The following TAF4B variants were observed in gnomAD, a reference collection of about 807,000 sequenced individuals.
TAF4B encodes TATA-box binding protein associated factor 4b.
Under a neutral mutation model 86.4 loss-of-function variants are expected in TAF4B, and 38 were observed. The observed-to-expected ratio is 0.44, with a 90% CI of 0.34 to 0.58. TAF4B has a LOEUF of 0.58. TAF4B is among the 20% of genes least tolerant of loss of function. The probability of loss-of-function intolerance (pLI) is 0.02; values close to 1 mark genes in which losing one functional copy is unlikely to be tolerated. For missense variants in TAF4B, 988 were observed against 1,027.6 expected, an observed-to-expected ratio of 0.96 and a Z score of 0.53; for synonymous variants, 388 against 391.2, an observed-to-expected ratio of 0.99 and a Z score of 0.10.
chr18:26,300,471 T>G (rs1027713754), intron 9 of TAF4B, among the ~76,000 whole-genome samples: 6 of 150,172 alleles, frequency 4.0e-5, no homozygotes, highest in African/African-American at 4.9e-5. Context: ...GGTGTGTTTT[T>G]TTTTTTTTTT....
intron 9 of TAF4B, among the ~76,000 whole-genome samples, chr18:26,293,847 C>T (rs140562207): frequency 3.1e-3 from 479 of 152,240 alleles, no homozygotes; most frequent in African/African-American, 0.011. Flanking sequence ...ACGTCCATCA[C>T]GATAGATCAT....
In TAF4B at chr18:26,322,178, C is replaced by T. The variant is rs140044345; in HGVS notation, c.2133+978C>T. Among the ~76,000 whole-genome samples, 854 of 152,224 alleles carry T rather than the reference C, an allele frequency of 5.6e-3. 8 individuals are homozygous for T. The highest frequency in any genetic ancestry group is 0.01 in the Middle Eastern group (3 of 294). On this transcript the variant is annotated intron_variant, in intron 11 of 14. Transcript: ENST00000269142. ...GAGATTTTGAATTTGGAAGAATGGT[C>T]ATTGCCGTGATATCCTAGTCAAAGG...
At chr18:26,293,224 A>T (rs1202868018) in intron 8 of TAF4B, among the ~76,000 whole-genome samples, 1 of 152,206 alleles carries the variant, frequency 6.6e-6, no homozygotes, top group Non-Finnish European at 1.5e-5. Context: ...CTAAAAAGAA[A>T]TGGAAAGATT....
chr18:26,234,281 T>A (rs112802519), intron 1 of TAF4B, among the ~76,000 whole-genome samples: 2,797 of 152,324 alleles, frequency 0.018, 77 homozygotes, highest in African/African-American at 0.064. Context: ...CTTTTCTCCT[T>A]CACCTTTTTG....
chr18:26,304,982 T>C (rs2056779457), intron 9 of TAF4B: 6 of 658,990 alleles, frequency 9.1e-6, no homozygotes, highest in Non-Finnish European at 1.1e-5. Context: ...TTCTTTGATA[T>C]ATACATTGTA....
In TAF4B at chr18:26,274,651, C is replaced by T; in HGVS notation, c.598-12C>T. On this transcript the variant is annotated splice_polypyrimidine_tract_variant and intron_variant, in intron 3 of 14. Coordinates refer to ENST00000269142, the MANE Select transcript of TAF4B (RefSeq NM_005640.3). ...TAATACATGCCTAAATATTTAATAC[C>T]TTTAATTTCAGTCTGTGGCTGTGCC... 6.2e-7 allele frequency: 1 copy of T among 1,613,994 alleles called. No individual in the cohort carries two copies. Among genetic ancestry groups the T allele is most frequent in the Non-Finnish European group, 8.5e-7 (1 of 1,179,942 alleles).
At chr18:26,316,484 A>G (rs544609346) in intron 10 of TAF4B, among the ~76,000 whole-genome samples, 10 of 151,766 alleles carry the variant, frequency 6.6e-5, no homozygotes, top group African/African-American at 2.4e-4. Flanking sequence ...TCTGCCTCCC[A>G]GGTTCAAGTG....
chr18:26,390,113 C>A lies in TAF4B; in HGVS notation c.*101C>A. On this transcript the variant is annotated 3_prime_UTR_variant, in exon 15 of 15. Transcript: ENST00000269142. ...ATTTCAATTTCTGGAAAATAATCAC[C>A]AACATGAAAGAGCATTGTTTACAGT... is the stretch of plus-strand genomic sequence containing the variant. 2.4e-6 allele frequency: 3 copies of A among 1,248,702 alleles called. No homozygotes were observed. The highest frequency in any genetic ancestry group is 3.3e-6 in the Non-Finnish European group (3 of 903,426). The allele number at this position is 1,248,702 out of a possible 1,614,324, so 77.4% of individuals were successfully genotyped here.
In TAF4B at chr18:26,285,735, ATAAG is replaced by A. The variant is rs370030588; in HGVS notation, c.973-141_973-138del. The stretch of plus-strand genomic sequence containing the variant: ...ATTGTATCCTGGATATTGGCAGGAT[ATAAG>A]TAAGTGATACAAGCTGTCTTCAACT... On this transcript the variant is annotated intron_variant, in intron 6 of 14. Coordinates refer to ENST00000269142, the MANE Select transcript of TAF4B (RefSeq NM_005640.3). The A allele has an allele frequency of 8.8e-4, 813 of 927,900 alleles. 17 individuals are homozygous for A. The South Asian group carries it at 0.013, about 15-fold the overall frequency. The allele number at this position is 927,900 out of a possible 1,614,324, so 57.5% of individuals were successfully genotyped here.
chr18:26,375,594 C>G (rs1029523312), intron 14 of TAF4B, among the ~76,000 whole-genome samples: 9 of 152,114 alleles, frequency 5.9e-5, no homozygotes, highest in Non-Finnish European at 2.9e-5. Context: ...TTATTACTGC[C>G]ATTGTAATGT....
At chr18:26,356,051 ATATCT>A (rs560623811) in intron 13 of TAF4B, among the ~76,000 whole-genome samples, 9 of 152,204 alleles carry the variant, frequency 5.9e-5, no homozygotes, top group Non-Finnish European at 1.3e-4. Flanking sequence ...CTATAATGAA[ATATCT>A]TAGACTGGGT....
At position 26,267,555 on chromosome 18, in the gene TAF4B, C is replaced by A; in HGVS notation, c.529C>A (p.Pro177Thr). 1 of 1,614,166 alleles carries A rather than the reference C, an allele frequency of 6.2e-7. No homozygotes were observed. The highest frequency in any genetic ancestry group is 1.6e-4 in the Middle Eastern group (1 of 6,062). ...SQLIKKVAVT[P>T]VKKLAQIGTT... ...ATTAATCAAGAAAGTGGCAGTGACA[C>A]CTGTTAAAAAATTGGCACAAATAGG... The change falls in exon 3 of 15, where the codon CCT becomes ACT. Residue 177 changes from proline (P) to threonine (T), a missense_variant. Pro to Thr is a conservative substitution (Grantham distance 38, BLOSUM62 -1). Around this residue, in one of 3 missense-constraint regions of TAF4B, gnomAD observed 747 missense variants for 737.9 expected, o/e 1.01. Coordinates refer to ENST00000269142, the MANE Select transcript of TAF4B (RefSeq NM_005640.3).
chr18:26,372,637 C>T lies in TAF4B; in HGVS notation c.2421+14843C>T, dbSNP rs1383106722. Among the ~76,000 whole-genome samples the T allele has an allele frequency of 3.3e-5, 5 of 152,182 alleles. No individual in the cohort carries two copies. The East Asian group carries it at 5.8e-4, about 18-fold the overall frequency. The stretch of plus-strand genomic sequence containing the variant: ...CTTCCTTCCACATATTTTGCCTATC[C>T]GTTATGTTAATACCATGCTGATTGA... On this transcript the variant is annotated intron_variant, in intron 14 of 14. Coordinates refer to ENST00000269142, the MANE Select transcript of TAF4B (RefSeq NM_005640.3).
At chr18:26,376,139 G>A (rs936170938) in intron 14 of TAF4B, among the ~76,000 whole-genome samples, 2 of 151,400 alleles carry the variant, frequency 1.3e-5, no homozygotes, top group Non-Finnish European at 2.9e-5. Flanking sequence ...TGGGAAGTGT[G>A]AGTCTATTTG....
chr18:26,364,461 G>A (rs982346325), intron 14 of TAF4B, among the ~76,000 whole-genome samples: 5 of 144,704 alleles, frequency 3.5e-5, no homozygotes, highest in African/African-American at 4.9e-5. Flanking sequence ...GTATTTGTAT[G>A]TGTGTATTGT....
At chr18:26,339,781 G>A (rs1056847185) in intron 13 of TAF4B, among the ~76,000 whole-genome samples, 6 of 152,138 alleles carry the variant, frequency 3.9e-5, no homozygotes, top group Non-Finnish European at 8.8e-5. Context: ...TTAGCACATC[G>A]TCCAGAATTT....
intron 1 of TAF4B, among the ~76,000 whole-genome samples, chr18:26,242,355 T>C (rs2055852805): frequency 6.6e-6 from 1 of 152,234 alleles, no homozygotes; most frequent in Non-Finnish European, 1.5e-5. Flanking sequence ...TCCTTTTCTC[T>C]TTTGATCTTT....
chr18:26,290,875 A>C (rs1048284047), intron 7 of TAF4B, among the ~76,000 whole-genome samples: 3 of 152,250 alleles, frequency 2.0e-5, no homozygotes, highest in African/African-American at 7.2e-5. Flanking sequence ...CTGAATGCAT[A>C]AAATGAGACC....
chr18:26,237,768 G>T (rs1039569648), intron 1 of TAF4B, among the ~76,000 whole-genome samples: 4 of 152,146 alleles, frequency 2.6e-5, no homozygotes, highest in Admixed American at 1.3e-4. Flanking sequence ...ACTTCCCTCA[G>T]TTGGCCATTT....
Sources: gnomAD v4.1 joint callset for allele counts (sites outside exome capture counted in the v4.1 genomes callset) on GRCh38, gnomAD v4.1.1 for gene constraint, gnomAD v4.1.1 regional missense constraint, MANE v1.5 for transcripts, NCBI Gene and HGNC (gene_info 2026-07-23, HGNC 2026-07-21) for gene names.